RUVBL2: variants seen among roughly 807,000 people sequenced by gnomAD.
RUVBL2 encodes the protein ruvB-like 2.
In RUVBL2, 9 loss-of-function variants were observed where a neutral mutation model predicts 57.9. The ratio of observed to expected loss-of-function variants is 0.16; its 90% confidence interval spans 0.09 to 0.27. The LOEUF (loss-of-function observed/expected upper bound fraction) is 0.27, where lower values mean the gene tolerates loss of function less well. RUVBL2 is among the 10% of genes least tolerant of loss of function. The pLI, the probability that RUVBL2 is intolerant of heterozygous loss-of-function variation, is 1.00. For missense variants in RUVBL2, 456 were observed against 669.6 expected (o/e 0.68, Z 3.52); for synonymous variants, 278 against 264.6 (o/e 1.05, Z -0.49).
chr19:49,014,492 G>A lies in RUVBL2; in HGVS notation c.1010G>A (p.Gly337Asp). Residue 337 changes from glycine to aspartate, a missense_variant, in exon 12 of 15, where the codon GGC (glycine) becomes GAC (aspartate). Gly to Asp is a moderately conservative substitution (Grantham distance 94). This residue lies in a region of RUVBL2 where 130 missense variants were observed against 243.0 expected (regional missense o/e 0.53). Transcript: ENST00000595090. ...ATNRGITRIRGTSYQSPHGIP... is the reference protein window; with the variant it reads ...ATNRGITRIRDTSYQSPHGIP... ...TTCTGCCTCTTCCTCAGAATCCGGG[G>A]CACCAGCTACCAGAGCCCTCACGGC... The A allele has an allele frequency of 6.2e-7, 1 of 1,613,824 alleles. No homozygotes were observed. Among genetic ancestry groups the A allele is most frequent in the Non-Finnish European group, 8.5e-7 (1 of 1,179,832 alleles).
Position 49,009,838 on chromosome 19 carries a change from C to T in RUVBL2, c.525C>T (p.Gly175=). ...AGATGGAGACCATCTACGACCTGGG[C>T]ACCAAGATGATTGAGTCCCTGACCA... ...TTEMETIYDL[G]TKMIESLTKD... The change falls in exon 7 of 15, where the codon GGC becomes GGT. Residue 175 remains glycine (G), a synonymous_variant. Transcript: ENST00000595090. 1 of 1,614,100 alleles carries T rather than the reference C, an allele frequency of 6.2e-7. No homozygotes were observed. The highest frequency in any genetic ancestry group is 1.7e-5 in the Admixed American group (1 of 60,014).
At chr19:48,998,756 A>G (rs1405334780) in intron 1 of RUVBL2, among the ~76,000 whole-genome samples, 1 of 149,336 alleles carries the variant, frequency 6.7e-6, no homozygotes, top group Non-Finnish European at 1.5e-5. Flanking sequence ...AGCCGGGCAC[A>G]GTGGCTCACG....
intron 4 of RUVBL2, among the ~76,000 whole-genome samples, chr19:49,005,997 A>T (rs1351470459): frequency 6.6e-6 from 1 of 152,194 alleles, no homozygotes; most frequent in Non-Finnish European, 1.5e-5. Context: ...TGTCTCCCGC[A>T]GGCCTCCTGC....
upstream of RUVBL2, chr19:48,993,884 G>T (rs772042054): frequency 3.7e-6 from 6 of 1,614,108 alleles, no homozygotes; most frequent in South Asian, 6.6e-5. Context: ...TTCCGTTTCC[G>T]CTAGGACTCT....
At chr19:49,002,804 C>T (rs572889505) in intron 2 of RUVBL2, among the ~76,000 whole-genome samples, 48 of 152,206 alleles carry the variant, frequency 3.2e-4, no homozygotes, top group African/African-American at 1.1e-3. Context: ...AGGCTGGTCT[C>T]GAACTCCTGA....
In RUVBL2 at chr19:49,013,503, C is replaced by T. The variant is rs149528605; in HGVS notation, c.1002-981C>T. Reference sequence around the variant, plus strand: ...AGTGCAAGGAGGCTGTGAAGCCTGACGGAGAAAATGCCATGTTACAGACGC... The same window carrying T: ...AGTGCAAGGAGGCTGTGAAGCCTGATGGAGAAAATGCCATGTTACAGACGC... On this transcript the variant is annotated intron_variant, in intron 11 of 14. Transcript: ENST00000595090. 4.2e-3 allele frequency among the ~76,000 whole-genome samples: 642 copies of T among 152,090 alleles called. 24 individuals carry two copies. Among genetic ancestry groups the T allele is most frequent in the Admixed American group, 0.035 (534 of 15,270 alleles).
intron 11 of RUVBL2, among the ~76,000 whole-genome samples, chr19:49,012,511 T>G (rs2039448414): frequency 6.6e-6 from 1 of 152,282 alleles, no homozygotes; most frequent in Non-Finnish European, 1.5e-5. Context: ...CAGGGGCACC[T>G]CCTGTGGGAG....
chr19:49,004,307 G>T lies in RUVBL2; in HGVS notation c.154G>T (p.Ala52Ser). Residue 52 changes from alanine (A) to serine (S), a missense_variant, in exon 4 of 15, where the codon GCA becomes TCA. Coordinates refer to ENST00000595090, the MANE Select transcript of RUVBL2 (RefSeq NM_006666.3). ...GCAAGGCATGGTGGGTCAGCTGGCG[G>T]CACGGCGGGCGGCTGGCGTGGTGCT... is the stretch of plus-strand genomic sequence containing the variant. ...ASQGMVGQLA[A>S]RRAAGVVLEM... 1 of 1,610,656 alleles carries T rather than the reference G, an allele frequency of 6.2e-7. No individual in the cohort carries two copies.
At chr19:48,993,455 G>C (rs902115359), upstream of RUVBL2, 4 of 427,990 alleles carry the variant, frequency 9.3e-6, no homozygotes, top group Non-Finnish European at 1.8e-5. Context: ...GCTGTGTCCC[G>C]GCCCCGCCTC....
At chr19:49,003,476 G>T in intron 3 of RUVBL2, 142 bp downstream of exon 3, 1 of 714,214 alleles carries the variant, frequency 1.4e-6, no homozygotes, top group Non-Finnish European at 2.4e-6. Context: ...ACCACATGTG[G>T]GTTTTCTTGG....
At chr19:49,015,545 A>T in intron 13 of RUVBL2, 27 bp from the exon 14 acceptor site, 1 of 1,550,798 alleles carries the variant, frequency 6.4e-7, no homozygotes, top group Non-Finnish European at 8.9e-7. Context: ...AGAGGGGCCC[A>T]ACTGAGGACT....
rs2039421952 is a variant in RUVBL2 at position 49,011,248 on chromosome 19, C to T, written c.939C>T (p.Asn313=). ...ACATCGAGAGCTTCTCCTTCCTCAACCGGGCCCTGGAGAGTGACATGGCGC... is the reference window on the plus strand; with the variant it reads ...ACATCGAGAGCTTCTCCTTCCTCAATCGGGCCCTGGAGAGTGACATGGCGC... ...MLDIESFSFL[N]RALESDMAPV... Residue 313 remains asparagine (N), a synonymous_variant, in exon 11 of 15, where the codon AAC becomes AAT. Transcript: ENST00000595090. The surrounding 1 kb of genome is among the most constrained non-coding windows in gnomAD (Gnocchi z 4.4). 1 of 1,613,854 alleles carries T rather than the reference C, an allele frequency of 6.2e-7. No individual in the cohort carries two copies. The highest frequency in any genetic ancestry group is 1.3e-5 in the African/African-American group (1 of 74,934).
chr19:49,004,348 A>G lies in RUVBL2; in HGVS notation c.195A>G (p.Glu65=), dbSNP rs1197403879. The stretch of plus-strand genomic sequence containing the variant: ...GCGTGGTGCTGGAGATGATCCGGGA[A>G]GGGAAGATTGCCGGTCGGGCAGTCC... ...AAGVVLEMIR[E]GKIAGRAVLI... The change falls in exon 4 of 15, where the codon GAA becomes GAG. Residue 65 remains glutamate, a synonymous_variant. Transcript: ENST00000595090. 6.2e-7 allele frequency: 1 copy of G among 1,612,736 alleles called. No individual in the cohort carries two copies. The highest frequency in any genetic ancestry group is 8.5e-7 in the Non-Finnish European group (1 of 1,179,926).
At position 48,994,338 on chromosome 19, in the gene RUVBL2, GC is replaced by G. The variant is rs1318361634; in HGVS notation, c.12+416del. The stretch of plus-strand genomic sequence containing the variant: ...CTTGAGTTCCAAGCTGGAAGCACAG[GC>G]AGGTACCTGTTCAGTGTGTCTGAGA... On this transcript the variant is annotated intron_variant, in intron 1 of 14. Coordinates refer to ENST00000595090, the MANE Select transcript of RUVBL2 (RefSeq NM_006666.3). 3.9e-4 allele frequency: 92 copies of G among 234,392 alleles called. No homozygotes were observed. The East Asian group carries it at 4.9e-3, about 13-fold the overall frequency. The allele number at this position is 234,392 out of a possible 1,614,324, so 14.5% of individuals were successfully genotyped here.
At chr19:48,993,609 T>G, upstream of RUVBL2, 1 of 542,552 alleles carries the variant, frequency 1.8e-6, no homozygotes, top group East Asian at 3.2e-5. Flanking sequence ...GTGGAGGACG[T>G]GTGGTTACTC....
At chr19:49,002,474 G>A (rs948223280) in intron 2 of RUVBL2, among the ~76,000 whole-genome samples, 2 of 152,146 alleles carry the variant, frequency 1.3e-5, no homozygotes, top group Admixed American at 6.6e-5. Flanking sequence ...CTGGGGCATG[G>A]GACCTAACCT....
chr19:49,014,042 G>A (rs149841485), intron 11 of RUVBL2, among the ~76,000 whole-genome samples: 21 of 152,386 alleles, frequency 1.4e-4, no homozygotes, highest in African/African-American at 4.8e-4. Context: ...TCCAGTAGGA[G>A]CAGTGGCTCA....
chr19:49,005,640 ATTTTT>A (rs150154178), intron 4 of RUVBL2, among the ~76,000 whole-genome samples: 1 of 120,522 alleles, frequency 8.3e-6, no homozygotes, highest in African/African-American at 2.8e-5. Flanking sequence ...ACTCTTCTTC[ATTTTT>A]TTTTTTTTTT....
At chr19:49,010,417 G>A in intron 8 of RUVBL2, 71 bp from the exon 9 acceptor site, 3 of 1,491,142 alleles carry the variant, frequency 2.0e-6, no homozygotes, top group Non-Finnish European at 2.8e-6. Context: ...CCAGACAGAG[G>A]GCTTTAGGGG....
Sources: gnomAD v4.1 joint callset for allele counts (sites outside exome capture counted in the v4.1 genomes callset) on GRCh38, gnomAD v4.1.1 for gene constraint, gnomAD v4.1.1 regional missense constraint, Gnocchi (gnomAD v3.1) non-coding constraint, MANE v1.5 for transcripts, NCBI Gene and HGNC (gene_info 2026-07-23, HGNC 2026-07-21) for gene names.